Variants in CAST observed in about 807,000 individuals in gnomAD.
The protein encoded by CAST is MIR583 host.
In CAST, 76 loss-of-function variants were observed where a neutral mutation model predicts 119.6. The observed-to-expected ratio is 0.64, with a 90% confidence interval of 0.53 to 0.77. The LOEUF (loss-of-function observed/expected upper bound fraction) is 0.77. CAST is among the 30% of genes least tolerant of loss of function. CAST has a pLI of 0.00. For missense variants in CAST, 953 were observed against 946.5 expected, an observed-to-expected ratio of 1.01 and a Z score of -0.09; for synonymous variants, 319 against 331.6, an observed-to-expected ratio of 0.96 and a Z score of 0.41.
intron 2 of CAST, among the ~76,000 whole-genome samples, chr5:96,680,354 C>CAAAAAAAAAAAAA (rs71617135): frequency 2.4e-4 from 7 of 29,262 alleles, no homozygotes; most frequent in Non-Finnish European, 3.0e-4. Context: ...GACTCTGTCT[C>CAAAAAAAAAAAAA]AAAAAAAAAA....
chr5:96,082,772 A>G, the CAST span, among the ~76,000 whole-genome samples: 1 of 152,156 alleles, frequency 6.6e-6, no homozygotes, highest in Non-Finnish European at 1.5e-5. Context: ...TATATTCTCC[A>G]TAGGAGGGAG....
the CAST span, among the ~76,000 whole-genome samples, chr5:96,469,832 CAGAG>C: frequency 3.2e-4 from 44 of 137,386 alleles, no homozygotes; most frequent in African/African-American, 1.1e-3. Context: ...GGGAGAAAGA[CAGAG>C]AGAGAGAGAA....
the CAST span, among the ~76,000 whole-genome samples, chr5:96,468,580 T>A: frequency 6.6e-6 from 1 of 152,118 alleles, no homozygotes. Context: ...AATCACCATA[T>A]TCATAAAACA....
At chr5:96,638,265 C>T (rs1469889929) in intron 1 of CAST, among the ~76,000 whole-genome samples, 2 of 151,730 alleles carry the variant, frequency 1.3e-5, no homozygotes, top group African/African-American at 4.8e-5. Flanking sequence ...AATTAGCCAG[C>T]CGTGGTGGTA....
chr5:96,570,509 A>T (rs1354976602), intron 1 of CAST, among the ~76,000 whole-genome samples: 1 of 152,138 alleles, frequency 6.6e-6, no homozygotes, highest in African/African-American at 2.4e-5. Flanking sequence ...AGAGAGAGGG[A>T]GTGAGGGAGA....
chr5:95,961,509 G>T, the CAST span: 1 of 1,373,232 alleles, frequency 7.3e-7, no homozygotes, highest in Non-Finnish European at 9.4e-7. Flanking sequence ...CCGCACCCGG[G>T]CGCGGCCAGG....
At chr5:96,522,958 T>G (rs967216090), upstream of CAST, among the ~76,000 whole-genome samples, 7 of 152,142 alleles carry the variant, frequency 4.6e-5, no homozygotes, top group African/African-American at 9.7e-5. Context: ...CTGAACATAT[T>G]TCAAAGTAAT....
chr5:96,673,992 A>G (rs1198382703), intron 1 of CAST, among the ~76,000 whole-genome samples: 2 of 152,214 alleles, frequency 1.3e-5, no homozygotes, highest in Non-Finnish European at 2.9e-5. Context: ...AGTCACGAAC[A>G]TGCCTTTTGG....
chr5:96,245,761 ACTTGGT>A, the CAST span, among the ~76,000 whole-genome samples: 1 of 152,100 alleles, frequency 6.6e-6, no homozygotes, highest in Non-Finnish European at 1.5e-5. Flanking sequence ...TAGTTTAAAG[ACTTGGT>A]CTATGTGAGA....
At chr5:96,460,821 A>G in the CAST span, among the ~76,000 whole-genome samples, 1 of 152,186 alleles carries the variant, frequency 6.6e-6, no homozygotes, top group Non-Finnish European at 1.5e-5. Context: ...TGATTTCTGT[A>G]TAAACTGCAA....
chr5:96,464,182 G>GA, the CAST span, among the ~76,000 whole-genome samples: 13 of 150,342 alleles, frequency 8.6e-5, no homozygotes, highest in South Asian at 4.2e-4. Context: ...CTGACATTGA[G>GA]AAAAAAAAAC....
the CAST span, among the ~76,000 whole-genome samples, chr5:96,489,747 C>T: frequency 6.6e-6 from 1 of 152,156 alleles, no homozygotes; most frequent in Non-Finnish European, 1.5e-5. Context: ...ACTACTTAGA[C>T]AATAGGCTCC....
chr5:96,375,920 TAA>T, the CAST span, among the ~76,000 whole-genome samples: 2 of 147,366 alleles, frequency 1.4e-5, no homozygotes, highest in African/African-American at 4.9e-5. Flanking sequence ...TATAAATATA[TAA>T]ATATAAATAT....
chr5:96,684,998 A>G (rs1751908596), intron 2 of CAST, among the ~76,000 whole-genome samples: 1 of 151,716 alleles, frequency 6.6e-6, no homozygotes, highest in South Asian at 2.1e-4. Context: ...TTGGATAGGG[A>G]ATGGTATTAA....
chr5:96,763,374 G>A (rs1768702996), intron 25 of CAST: 11 of 706,044 alleles, frequency 1.6e-5, no homozygotes, highest in Non-Finnish European at 1.1e-5. Flanking sequence ...GCATGTGCAT[G>A]TGTGTATGTA....
the CAST span, among the ~76,000 whole-genome samples, chr5:96,363,076 A>G: frequency 1.4e-5 from 2 of 147,380 alleles, no homozygotes; most frequent in African/African-American, 2.5e-5. Context: ...TCCCAGCACC[A>G]TTTATTAAAT....
At chr5:96,710,320 A>T (rs1185185134) in intron 3 of CAST, among the ~76,000 whole-genome samples, 2 of 152,146 alleles carry the variant, frequency 1.3e-5, no homozygotes, top group Non-Finnish European at 2.9e-5. Context: ...ACGGTAGAAA[A>T]TGGTGGTCCT....
chr5:96,504,743 C>T, the CAST span, among the ~76,000 whole-genome samples: 20 of 152,316 alleles, frequency 1.3e-4, no homozygotes, highest in Admixed American at 3.3e-4. Flanking sequence ...GTCTCATCAT[C>T]TCCAAAATTC....
the CAST span, among the ~76,000 whole-genome samples, chr5:96,112,923 C>T: frequency 6.6e-6 from 1 of 152,202 alleles, no homozygotes; most frequent in South Asian, 2.1e-4. Flanking sequence ...GAGATAATAT[C>T]ATATCTCTTT....
Sources: allele counts gnomAD v4.1 joint callset (sites outside exome capture counted in the v4.1 genomes callset), GRCh38; gene constraint gnomAD v4.1.1; transcripts MANE v1.5; gene names NCBI Gene and HGNC (gene_info 2026-07-23, HGNC 2026-07-21).